Variants in GRAMD1B observed in about 807,000 individuals in gnomAD.
GRAMD1B encodes the protein GRAM domain containing 1B.
GRAMD1B carries 37 observed loss-of-function variants against 99.7 expected under a neutral mutation model. The observed-to-expected ratio is 0.37, with a 90% CI of 0.29 to 0.49. The LOEUF is 0.49. Ranked by LOEUF, GRAMD1B falls within the 20% of genes least tolerant of loss-of-function variation. GRAMD1B has a pLI of 0.98. For synonymous variants in GRAMD1B, 427 were observed against 387.6 expected (o/e 1.10, Z -1.19); for missense variants, 888 against 1,009.2 (o/e 0.88, Z 1.63).
chr11:123,428,461 G>A (rs1056685523), upstream of GRAMD1B, among the ~76,000 whole-genome samples: 9 of 152,214 alleles, frequency 5.9e-5, no homozygotes, highest in East Asian at 1.9e-4. Context: ...TTTCAGAAAC[G>A]GGGGCTGACA....
chr11:123,602,672 C>G (rs1236703380), intron 8 of GRAMD1B, among the ~76,000 whole-genome samples: 3 of 152,182 alleles, frequency 2.0e-5, no homozygotes, highest in Admixed American at 1.3e-4. Context: ...CCCTTTGCCT[C>G]TCTCTGGAGA....
chr11:123,393,456 T>G (rs192826441), intron 1 of GRAMD1B, among the ~76,000 whole-genome samples: 1 of 152,294 alleles, frequency 6.6e-6, no homozygotes, highest in East Asian at 1.9e-4. Flanking sequence ...TGTGCTTAGA[T>G]GGCAACCGTG....
intron 1 of GRAMD1B, among the ~76,000 whole-genome samples, chr11:123,382,234 G>A (rs1376851948): frequency 6.6e-6 from 1 of 152,174 alleles, no homozygotes; most frequent in African/African-American, 2.4e-5. Context: ...ATCACAGAGT[G>A]TGAATCATAA....
At chr11:123,456,828 G>A (rs1346069670) in intron 1 of GRAMD1B, among the ~76,000 whole-genome samples, 1 of 150,818 alleles carries the variant, frequency 6.6e-6, no homozygotes, top group African/African-American at 2.4e-5. Flanking sequence ...GCTGAGGCAG[G>A]AGAATCACTT....
chr11:123,500,985 T>G (rs1258898750), intron 2 of GRAMD1B, among the ~76,000 whole-genome samples: 1 of 151,986 alleles, frequency 6.6e-6, no homozygotes, highest in Non-Finnish European at 1.5e-5. Flanking sequence ...TAGATGCCAT[T>G]TTGAGGGCAT....
At chr11:123,439,240 C>G (rs1949300376) in intron 1 of GRAMD1B, among the ~76,000 whole-genome samples, 1 of 152,134 alleles carries the variant, frequency 6.6e-6, no homozygotes, top group Non-Finnish European at 1.5e-5. Context: ...AAGCTTCTCT[C>G]AGGGACTCAG....
intron 2 of GRAMD1B, among the ~76,000 whole-genome samples, chr11:123,564,310 G>C (rs1315928122): frequency 3.3e-5 from 5 of 152,240 alleles, no homozygotes; most frequent in Non-Finnish European, 5.9e-5. Flanking sequence ...TTCTGTCTCA[G>C]AGATGCTACT....
intron 2 of GRAMD1B, among the ~76,000 whole-genome samples, chr11:123,487,074 AAAAT>A (rs1332050230): frequency 6.6e-6 from 1 of 152,262 alleles, no homozygotes; most frequent in Admixed American, 6.5e-5. Flanking sequence ...GTCTCAAAAG[AAAAT>A]AAATAAAGAA....
At chr11:123,602,038 C>T (rs1952049636) in intron 8 of GRAMD1B, among the ~76,000 whole-genome samples, 1 of 151,960 alleles carries the variant, frequency 6.6e-6, no homozygotes, top group African/African-American at 2.4e-5. Flanking sequence ...TGAATGTTGT[C>T]CCAGGCAGGG....
intron 10 of GRAMD1B, 115 bp from the exon 11 acceptor site, chr11:123,606,494 C>T: frequency 1.1e-6 from 1 of 918,296 alleles, no homozygotes; most frequent in South Asian, 1.7e-5. Flanking sequence ...GACTTCGCTC[C>T]TGAGCAGCTG....
At chr11:123,451,768 T>C (rs1441808708) in intron 1 of GRAMD1B, among the ~76,000 whole-genome samples, 1 of 152,170 alleles carries the variant, frequency 6.6e-6, no homozygotes, top group East Asian at 1.9e-4. Flanking sequence ...CACTGAGGTG[T>C]GGCTGGCTTC....
chr11:123,463,140 C>T (rs1225167452), intron 1 of GRAMD1B, among the ~76,000 whole-genome samples: 4 of 152,178 alleles, frequency 2.6e-5, no homozygotes, highest in Admixed American at 6.5e-5. Flanking sequence ...TCCCGAGTAG[C>T]TGGAACTACA....
chr11:123,549,491 G>A (rs556630868), intron 2 of GRAMD1B, among the ~76,000 whole-genome samples: 11 of 152,128 alleles, frequency 7.2e-5, no homozygotes, highest in Non-Finnish European at 1.3e-4. Flanking sequence ...GCAGTGAGCC[G>A]AGATCGTGCC....
intron 1 of GRAMD1B, among the ~76,000 whole-genome samples, chr11:123,404,587 G>A (rs1320319262): frequency 6.6e-6 from 1 of 152,194 alleles, no homozygotes. Context: ...GCACTTTGGT[G>A]GCAGAGCTAG....
chr11:123,544,031 G>A (rs1227729364), intron 2 of GRAMD1B, among the ~76,000 whole-genome samples: 1 of 152,164 alleles, frequency 6.6e-6, no homozygotes, highest in African/African-American at 2.4e-5. Flanking sequence ...CAAGACTCAT[G>A]GTGACTCATG....
intron 1 of GRAMD1B, chr11:123,432,050 G>A (rs1367584028): frequency 2.5e-6 from 1 of 398,524 alleles, no homozygotes; most frequent in Non-Finnish European, 4.4e-6. Flanking sequence ...GTGTTCTTGT[G>A]CGGAGCAACT....
intron 12 of GRAMD1B, 40 bp from the exon 13 acceptor site, chr11:123,609,755 G>A (rs1359631266): frequency 1.7e-6 from 2 of 1,159,096 alleles, no homozygotes; most frequent in South Asian, 1.3e-5. Flanking sequence ...AGAGGGCTCT[G>A]CCCTCCCTTC....
intron 1 of GRAMD1B, among the ~76,000 whole-genome samples, chr11:123,438,665 T>G (rs1270029504): frequency 1.3e-5 from 2 of 152,182 alleles, no homozygotes; most frequent in African/African-American, 4.8e-5. Context: ...AAAATTTCCT[T>G]GGTGGTTATG....
chr11:123,401,644 A>G (rs1947665689), intron 1 of GRAMD1B, among the ~76,000 whole-genome samples: 1 of 152,226 alleles, frequency 6.6e-6, no homozygotes, highest in Admixed American at 6.5e-5. Context: ...CAGGTTTAAT[A>G]TTTAGTGTGG....
Sources: allele counts gnomAD v4.1 joint callset (sites outside exome capture counted in the v4.1 genomes callset), GRCh38; gene constraint gnomAD v4.1.1; transcripts MANE v1.5; gene names NCBI Gene and HGNC (gene_info 2026-07-23, HGNC 2026-07-21).